The following RUFY3 variants were observed in gnomAD, a reference collection of about 807,000 sequenced individuals.
RUFY3 encodes the protein protein RUFY3.
Under a neutral mutation model 84.0 loss-of-function variants are expected in RUFY3, and 34 were observed. That is an observed-to-expected ratio of 0.40 (90% CI 0.31 to 0.54). The LOEUF is 0.54. Ranked by LOEUF, RUFY3 falls within the 20% of genes least tolerant of loss-of-function variation. RUFY3 has a pLI of 0.39. For missense variants in RUFY3, 507 were observed against 736.8 expected (o/e 0.69, Z 3.61); for synonymous variants, 242 against 252.9 (o/e 0.96, Z 0.41).
At chr4:70,715,141 CATAAT>C (rs1158560337) in intron 1 of RUFY3, among the ~76,000 whole-genome samples, 2 of 152,072 alleles carry the variant, frequency 1.3e-5, no homozygotes, top group Non-Finnish European at 2.9e-5. Flanking sequence ...CAGAGGTAGA[CATAAT>C]AGATTGTGGT....
chr4:70,757,337 G>A (rs538082540), intron 1 of RUFY3, among the ~76,000 whole-genome samples: 1 of 151,992 alleles, frequency 6.6e-6, no homozygotes, highest in Non-Finnish European at 1.5e-5. Context: ...GGGCGCGGTG[G>A]TTCATGCCTG....
chr4:70,767,259 ATTTTTTT>A (rs779388140), intron 4 of RUFY3, among the ~76,000 whole-genome samples: 2,920 of 49,546 alleles, frequency 0.059, 81 homozygotes, highest in East Asian at 0.3. Flanking sequence ...CTAATTTTGT[ATTTTTTT>A]TTTTTTTTTT....
rs777452523 is a variant in RUFY3, at chr4:70,722,005, C to T, written c.-569C>T. 5.8e-5 allele frequency: 71 copies of T among 1,232,050 alleles called. No homozygotes were observed. The highest frequency in any genetic ancestry group is 1.3e-4 in the Admixed American group (3 of 23,694). 76.3% of individuals were successfully genotyped at this position (1,232,050 alleles called of 1,614,324 possible). A position where few individuals can be genotyped will look rare whatever the true frequency, so the allele number is the denominator to read the frequency against. On this transcript the variant is annotated 5_prime_UTR_variant, in exon 1 of 18. Coordinates refer to ENST00000381006, the MANE Select transcript of RUFY3 (RefSeq NM_001037442.4). ...ATTTTGGTCAACACCCTGCTTACTG[C>T]GCACGGCCAATCCTATGAGAACTCA...
rs757267723 is a variant in RUFY3, at chr4:70,778,423, T to C, written c.879T>C (p.Thr293=). 6.3e-7 allele frequency: 1 copy of C among 1,598,434 alleles called. No individual in the cohort carries two copies. Among genetic ancestry groups the C allele is most frequent in the South Asian group, 1.1e-5 (1 of 90,624 alleles). The change falls in exon 8 of 18, where the codon ACT becomes ACC. Residue 293 remains threonine (T), a synonymous_variant. Transcript: ENST00000381006. The part of the protein sequence containing the change: ...AKVDALEKSN[T]KLTEELAVAN... ...TAGATGCATTAGAAAAATCCAACAC[T>C]AAACTGACAGAGGAGGTAAGTTTTG... is the stretch of plus-strand genomic sequence containing the variant.
At chr4:70,793,612 T>C in intron 12 of RUFY3, 173 bp from the exon 13 acceptor site, 1 of 1,483,900 alleles carries the variant, frequency 6.7e-7, no homozygotes. Context: ...ATTTGTTTCT[T>C]CTCCATCTTT....
intron 15 of RUFY3, among the ~76,000 whole-genome samples, chr4:70,801,781 A>G (rs748470241): frequency 3.3e-5 from 5 of 152,152 alleles, no homozygotes; most frequent in East Asian, 1.9e-4. Flanking sequence ...ACTTTAAACT[A>G]TCACCCATCT....
chr4:70,790,412 G>A (rs931242336), intron 12 of RUFY3, among the ~76,000 whole-genome samples: 4 of 152,102 alleles, frequency 2.6e-5, no homozygotes, highest in African/African-American at 9.7e-5. Context: ...CTAAACTGCT[G>A]GTCCCTGTAC....
intron 1 of RUFY3, among the ~76,000 whole-genome samples, chr4:70,738,964 C>T (rs1039836615): frequency 5.9e-5 from 9 of 151,866 alleles, no homozygotes; most frequent in African/African-American, 1.7e-4. Context: ...ATGCACCCAC[C>T]TCTGCCTTCC....
intron 1 of RUFY3, among the ~76,000 whole-genome samples, chr4:70,751,681 C>G (rs1027618993): frequency 6.6e-6 from 1 of 152,112 alleles, no homozygotes; most frequent in African/African-American, 2.4e-5. Flanking sequence ...TTCTGCCATT[C>G]TGTGGGTTGT....
chr4:70,802,922 C>A, intron 15 of RUFY3, 34 bp from the exon 16 acceptor site: 1 of 1,535,930 alleles, frequency 6.5e-7, no homozygotes, highest in Non-Finnish European at 8.9e-7. Context: ...CATGAAGTTC[C>A]TATTTGTCAC....
chr4:70,719,239 G>A (rs1353897000), upstream of RUFY3, among the ~76,000 whole-genome samples: 1 of 152,204 alleles, frequency 6.6e-6, no homozygotes, highest in South Asian at 2.1e-4. Context: ...ATACAGGCAT[G>A]TTTTTCTTTC....
chr4:70,705,184 C>CGCA (rs1028825170), exon 1 of RUFY3: 4 of 1,462,320 alleles, frequency 2.7e-6, no homozygotes, highest in African/African-American at 1.5e-5. Flanking sequence ...CGCCCGCCGC[C>CGCA]GCAGCAGCAG....
intron 1 of RUFY3, among the ~76,000 whole-genome samples, chr4:70,753,317 T>G (rs780860870): frequency 2.6e-5 from 4 of 152,242 alleles, no homozygotes; most frequent in Non-Finnish European, 4.4e-5. Context: ...TCAGTATTGT[T>G]AATCTTGTCA....
chr4:70,763,705 G>T (rs763821875), intron 3 of RUFY3, 36 bp downstream of exon 3: 2 of 1,594,310 alleles, frequency 1.3e-6, no homozygotes, highest in Non-Finnish European at 1.7e-6. Flanking sequence ...CTCAGGAACA[G>T]CATTCTTATT....
chr4:70,799,138 C>G (rs1337103316), intron 14 of RUFY3, among the ~76,000 whole-genome samples: 1 of 147,954 alleles, frequency 6.8e-6, no homozygotes, highest in East Asian at 2.0e-4. Flanking sequence ...GAGCAAGACT[C>G]CGTCTCAAAA....
At chr4:70,746,504 CAAAA>C (rs1178734323) in intron 1 of RUFY3, among the ~76,000 whole-genome samples, 1 of 65,104 alleles carries the variant, frequency 1.5e-5, no homozygotes. Context: ...AAGACTGTCT[CAAAA>C]AAAAAAAAAA....
At chr4:70,705,926 G>T (rs79998805) in intron 1 of RUFY3, among the ~76,000 whole-genome samples, 4,797 of 152,294 alleles carry the variant, frequency 0.031, 214 homozygotes, top group African/African-American at 0.093. Context: ...GAGAAGACAA[G>T]AAGGGAATGT....
At chr4:70,705,175 G>A (rs1360405274) in exon 1 of RUFY3, 2 of 1,460,358 alleles carry the variant, frequency 1.4e-6, no homozygotes, top group Non-Finnish European at 1.8e-6. Flanking sequence ...TTCGGAGTGC[G>A]CCCGCCGCCG....
At chr4:70,757,669 A>G (rs1289574230) in intron 1 of RUFY3, among the ~76,000 whole-genome samples, 1 of 152,216 alleles carries the variant, frequency 6.6e-6, no homozygotes, top group African/African-American at 2.4e-5. Context: ...TTTGTTAAAT[A>G]TGATTATGTT....
Sources: gnomAD v4.1 joint callset for allele counts (sites outside exome capture counted in the v4.1 genomes callset) on GRCh38, gnomAD v4.1.1 for gene constraint, MANE v1.5 for transcripts, NCBI Gene and HGNC (gene_info 2026-07-23, HGNC 2026-07-21) for gene names.